The following SASH1 variants were observed in gnomAD, a reference collection of about 807,000 sequenced individuals.
SASH1 encodes the protein SAM and SH3 domain-containing protein 1.
SASH1 carries 44 observed loss-of-function variants against 125.2 expected under a neutral mutation model. That is an observed-to-expected ratio of 0.35 (90% CI 0.28 to 0.45). SASH1 has a LOEUF of 0.45. Ranked by LOEUF, SASH1 falls within the 20% of genes least tolerant of loss-of-function variation. The pLI is 1.00. For synonymous variants in SASH1, 639 were observed against 649.1 expected (o/e 0.98, Z 0.24); for missense variants, 1,426 against 1,614.5 (o/e 0.88, Z 2.00).
chr6:148,463,221 C>T (rs548240004), intron 4 of SASH1, among the ~76,000 whole-genome samples: 2 of 151,620 alleles, frequency 1.3e-5, no homozygotes, highest in Non-Finnish European at 2.9e-5. Context: ...CTCGGCTCAC[C>T]GCAACCTCCA....
chr6:148,356,494 CTTTTTTTTT>C (rs57183555), intron 1 of SASH1, among the ~76,000 whole-genome samples: 1 of 116,278 alleles, frequency 8.6e-6, no homozygotes, highest in Non-Finnish European at 1.7e-5. Flanking sequence ...ACTTTTAGTT[CTTTTTTTTT>C]TTTTTTTTTT....
intron 4 of SASH1, among the ~76,000 whole-genome samples, chr6:148,458,829 T>C (rs1777474222): frequency 6.6e-6 from 1 of 151,954 alleles, no homozygotes; most frequent in South Asian, 2.1e-4. Context: ...TAGTCGGGCA[T>C]GATGGCATGC....
At chr6:148,249,357 A>G in the SASH1 span, among the ~76,000 whole-genome samples, 98,842 of 147,130 alleles carry the variant, frequency 0.67, 32,332 homozygotes, top group East Asian at 0.76. Flanking sequence ...CATGCATCAC[A>G]CACACATGCG....
chr6:148,306,025 T>C (rs1780121070), intron 1 of SASH1, among the ~76,000 whole-genome samples: 1 of 152,160 alleles, frequency 6.6e-6, no homozygotes, highest in Admixed American at 6.5e-5. Context: ...ATGTGCCCCA[T>C]AAATATATAC....
chr6:148,351,749 A>C (rs1402866060), intron 1 of SASH1, among the ~76,000 whole-genome samples: 4 of 150,150 alleles, frequency 2.7e-5, no homozygotes, highest in African/African-American at 9.8e-5. Flanking sequence ...TTTAATAATA[A>C]TTTTGTATTG....
intron 1 of SASH1, among the ~76,000 whole-genome samples, chr6:148,320,610 C>A (rs543009349): frequency 6.6e-6 from 1 of 152,316 alleles, no homozygotes; most frequent in African/African-American, 2.4e-5. Flanking sequence ...TTAAGTCCAA[C>A]CTCCTTCGCT....
rs758062867 is a variant in SASH1 at position 148,532,846 on chromosome 6, C to T, written c.1614C>T (p.Ser538=). 18 of 1,614,118 alleles carry T rather than the reference C, an allele frequency of 1.1e-5. No homozygotes were observed. The East Asian group carries it at 1.6e-4, about 14-fold the overall frequency. ...ATTCCTCAACCAGCAACCGGGAAAG[C>T]GTCAAGTCGGAAGATGGGGATGACG... ...TTDSSTSNRE[S]VKSEDGDDEE... is the part of the protein sequence containing the mutation. Residue 538 remains serine, a synonymous_variant, in exon 14 of 20, where the codon AGC becomes AGT. Coordinates refer to ENST00000367467, the MANE Select transcript of SASH1 (RefSeq NM_015278.5). The surrounding 1 kb of genome is among the most constrained non-coding windows in gnomAD (Gnocchi z 4.7).
intron 16 of SASH1, among the ~76,000 whole-genome samples, chr6:148,538,541 A>ATTAG (rs956360670): frequency 6.6e-6 from 1 of 152,134 alleles, no homozygotes; most frequent in Admixed American, 6.5e-5. Flanking sequence ...TGTGCTTCCA[A>ATTAG]TTAGTTAATT....
chr6:148,411,143 C>CAACAAGAG (rs1389676533), intron 2 of SASH1, among the ~76,000 whole-genome samples: 1 of 97,768 alleles, frequency 1.0e-5, no homozygotes, highest in Non-Finnish European at 1.8e-5. Context: ...TGAGTGCCTA[C>CAACAAGAG]AACAAGAGCG....
chr6:148,500,405 G>A (rs1779517404), intron 8 of SASH1, among the ~76,000 whole-genome samples: 1 of 152,114 alleles, frequency 6.6e-6, no homozygotes, highest in African/African-American at 2.4e-5. Context: ...ATGCCACCTG[G>A]TTCATAGCTG....
the SASH1 span, among the ~76,000 whole-genome samples, chr6:148,217,474 C>T: frequency 1.3e-5 from 2 of 152,220 alleles, no homozygotes; most frequent in African/African-American, 4.8e-5. Flanking sequence ...CTATGTGGTA[C>T]CGTTTTGTTC....
At chr6:148,477,777 A>G in intron 7 of SASH1, among the ~76,000 whole-genome samples, 1 of 116,146 alleles carries the variant, frequency 8.6e-6, no homozygotes, top group Non-Finnish European at 1.7e-5. Context: ...GGATCAGTGC[A>G]ACCTCCACCT....
At chr6:148,534,022 G>T in intron 15 of SASH1, 42 bp downstream of exon 15, 1 of 1,582,518 alleles carries the variant, frequency 6.3e-7, no homozygotes, top group Admixed American at 1.7e-5. Flanking sequence ...CTACCTCACT[G>T]CCTTTTTCTC....
intron 4 of SASH1, among the ~76,000 whole-genome samples, chr6:148,442,957 G>A (rs1441406935): frequency 1.5e-4 from 22 of 151,714 alleles, no homozygotes; most frequent in Admixed American, 1.4e-3. Flanking sequence ...TTGTATTTTA[G>A]TAGGGACAGG....
chr6:148,484,105 TA>T (rs1778739246), intron 7 of SASH1, among the ~76,000 whole-genome samples: 1 of 152,186 alleles, frequency 6.6e-6, no homozygotes, highest in Non-Finnish European at 1.5e-5. Flanking sequence ...GAAATGAATT[TA>T]AAAAGCAGCT....
intron 1 of SASH1, among the ~76,000 whole-genome samples, chr6:148,358,257 T>A (rs1475409795): frequency 6.6e-6 from 1 of 151,792 alleles, no homozygotes; most frequent in African/African-American, 2.4e-5. Flanking sequence ...AGGGCGAGAG[T>A]TGCTCAAGGA....
intron 1 of SASH1, among the ~76,000 whole-genome samples, chr6:148,320,209 G>A (rs368131994): frequency 6.6e-6 from 1 of 152,200 alleles, no homozygotes. Context: ...GGGGGTTGGG[G>A]AATCTATCCC....
intron 1 of SASH1, among the ~76,000 whole-genome samples, chr6:148,311,743 G>T (rs1459678520): frequency 6.6e-6 from 1 of 152,174 alleles, no homozygotes; most frequent in Non-Finnish European, 1.5e-5. Flanking sequence ...CAGGGAGGTT[G>T]CAGTGAGCCA....
At chr6:148,488,884 GAT>G (rs1479955747) in intron 8 of SASH1, among the ~76,000 whole-genome samples, 1 of 152,154 alleles carries the variant, frequency 6.6e-6, no homozygotes, top group Non-Finnish European at 1.5e-5. Context: ...TCCCTTATCA[GAT>G]ATGTGATTTG....
Sources: gnomAD v4.1 joint callset for allele counts (sites outside exome capture counted in the v4.1 genomes callset) on GRCh38, gnomAD v4.1.1 for gene constraint, Gnocchi (gnomAD v3.1) non-coding constraint, MANE v1.5 for transcripts, NCBI Gene and HGNC (gene_info 2026-07-23, HGNC 2026-07-21) for gene names.